Variants in VGLL1 observed in about 807,000 individuals in gnomAD.
The protein encoded by VGLL1 is transcription cofactor vestigial-like protein 1.
A neutral mutation model predicts 12.0 loss-of-function variants in VGLL1; 4 were observed. The observed-to-expected ratio is 0.33, with a 90% confidence interval of 0.16 to 0.76. The LOEUF (loss-of-function observed/expected upper bound fraction) is 0.76. Among genes scored for constraint, VGLL1 ranks in the 30% least tolerant of loss-of-function variants. VGLL1 has a pLI of 0.60. For missense variants in VGLL1, 204 were observed against 208.7 expected (o/e 0.98, Z 0.14); for synonymous variants, 87 against 81.2 (o/e 1.07, Z -0.39).
intron 4 of VGLL1, among the ~76,000 whole-genome samples, chrX:136,552,103 A>G (rs1432325753): frequency 8.9e-6 from 1 of 111,941 alleles, no homozygotes; most frequent in African/African-American, 3.2e-5. Context: ...GCACAGTGGT[A>G]TACAAATTTG....
At position 136,556,747 on chromosome X, in the gene VGLL1, C is replaced by A; in HGVS notation, c.*208C>A. 2.6e-6 allele frequency: 1 copy of A among 380,013 alleles called. No homozygotes were observed. Among genetic ancestry groups the A allele is most frequent in the South Asian group, 5.9e-5 (1 of 16,980 alleles). The allele number at this position is 380,013 out of a possible 1,213,427, so 31.3% of individuals were successfully genotyped here. On this transcript the variant is annotated 3_prime_UTR_variant, in exon 5 of 5. Transcript: ENST00000370634. ...ATGTTCCCCATCCACACCCTGCTTG[C>A]TCCTGTGTAACAGCTCAGATGATGA...
chrX:136,553,241 C>T (rs763360091), intron 4 of VGLL1, among the ~76,000 whole-genome samples: 1 of 109,973 alleles, frequency 9.1e-6, no homozygotes, highest in South Asian at 4.0e-4. Context: ...TGCCCAGATC[C>T]TGCTCCCCCA....
At chrX:136,552,186 TAATGTAGTAAAAATTATTCC>T (rs1407035165) in intron 4 of VGLL1, among the ~76,000 whole-genome samples, 1 of 112,429 alleles carries the variant, frequency 8.9e-6, no homozygotes, top group African/African-American at 3.2e-5. Flanking sequence ...GAAAATGTAG[TAATGTAGTAAAAATTATTCC>T]AATGTAGTAA....
At chrX:136,532,729 G>T (rs780346346) in intron 1 of VGLL1, among the ~76,000 whole-genome samples, 5 of 98,410 alleles carry the variant, frequency 5.1e-5, no homozygotes, top group African/African-American at 1.5e-4. Context: ...AGAAGTGTGG[G>T]CAATATTTGA....
chrX:136,547,972 C>T (rs1019547487), intron 2 of VGLL1, among the ~76,000 whole-genome samples: 1 of 111,155 alleles, frequency 9.0e-6, no homozygotes, highest in Non-Finnish European at 1.9e-5. Flanking sequence ...TGGCTCTCCC[C>T]CTTCCCTTCC....
rs2075883359 is a variant in VGLL1, at chrX:136,550,758, T to A, written c.635-10T>A. 2 of 1,201,600 alleles carry A rather than the reference T, an allele frequency of 1.7e-6. No homozygotes were observed. Among genetic ancestry groups the A allele is most frequent in the South Asian group, 3.6e-5 (2 of 55,967 alleles). ...TTCAGTTCCAATAATGTTTTCTTCT[T>A]CTTTTCTAGATAAGAAACTATATGT... On this transcript the variant is annotated splice_polypyrimidine_tract_variant and intron_variant, in intron 3 of 4. Coordinates refer to ENST00000370634, the MANE Select transcript of VGLL1 (RefSeq NM_016267.4).
At chrX:136,535,498 G>A (rs768628081) in intron 1 of VGLL1, among the ~76,000 whole-genome samples, 2 of 111,342 alleles carry the variant, frequency 1.8e-5, no homozygotes, top group Admixed American at 9.5e-5. Flanking sequence ...AGAATTTGAT[G>A]TGTTTACTCC....
At chrX:136,533,048 A>T (rs2075830372) in intron 1 of VGLL1, among the ~76,000 whole-genome samples, 1 of 111,408 alleles carries the variant, frequency 9.0e-6, no homozygotes, top group African/African-American at 3.3e-5. Flanking sequence ...TCATTTGAGG[A>T]TGAAGCTCCT....
chrX:136,549,146 T>A, intron 3 of VGLL1, 138 bp downstream of exon 3: 1 of 614,476 alleles, frequency 1.6e-6, no homozygotes, highest in Non-Finnish European at 2.4e-6. Context: ...ATGTTCTGCT[T>A]AAATGTTCCA....
At chrX:136,538,582 C>T (rs746793047) in intron 2 of VGLL1, among the ~76,000 whole-genome samples, 1 of 112,045 alleles carries the variant, frequency 8.9e-6, no homozygotes, top group African/African-American at 3.2e-5. Flanking sequence ...ACATGTTGAA[C>T]GACTTGCTCC....
At chrX:136,537,019 A>C (rs1338946125) in intron 2 of VGLL1, among the ~76,000 whole-genome samples, 1 of 112,381 alleles carries the variant, frequency 8.9e-6, no homozygotes, top group Non-Finnish European at 1.9e-5. Context: ...ATTTTATATA[A>C]TTTATTTCCA....
intron 1 of VGLL1, among the ~76,000 whole-genome samples, chrX:136,534,883 A>C (rs946345388): frequency 9.8e-5 from 11 of 112,226 alleles, no homozygotes; most frequent in African/African-American, 3.6e-4. Flanking sequence ...GAATAAAGAA[A>C]TGAATATGAA....
intron 4 of VGLL1, among the ~76,000 whole-genome samples, chrX:136,556,058 G>A (rs1000708861): frequency 9.0e-6 from 1 of 111,289 alleles, no homozygotes; most frequent in African/African-American, 3.3e-5. Flanking sequence ...TTGAGGCTGT[G>A]GGTTTCCTAC....
At chrX:136,535,717 C>T (rs754255755) in intron 1 of VGLL1, among the ~76,000 whole-genome samples, 22 of 111,607 alleles carry the variant, frequency 2.0e-4, no homozygotes, top group African/African-American at 6.9e-4. Context: ...TTTCCTGATG[C>T]TCTCTCTAGT....
rs1569363651 is a variant in VGLL1, at chrX:136,556,433, A to G, written c.689-18A>G. On this transcript the variant is annotated intron_variant, in intron 4 of 4. Coordinates refer to ENST00000370634, the MANE Select transcript of VGLL1 (RefSeq NM_016267.4). ...GGGGCCTAACTGGCTTTCATTAACCATGTAACTTCTCCTTTAGCTCTTTCA... is the reference window on the plus strand; with the variant it reads ...GGGGCCTAACTGGCTTTCATTAACCGTGTAACTTCTCCTTTAGCTCTTTCA... 4.2e-6 allele frequency: 5 copies of G among 1,201,305 alleles called. No individual in the cohort carries two copies. The highest frequency in any genetic ancestry group is 3.0e-5 in the East Asian group (1 of 33,777).
intron 1 of VGLL1, among the ~76,000 whole-genome samples, chrX:136,534,802 G>T (rs1212762976): frequency 8.9e-6 from 1 of 111,854 alleles, no homozygotes; most frequent in East Asian, 2.8e-4. Flanking sequence ...CTAGTACCTG[G>T]TTACGCTTAG....
chrX:136,547,368 A>G (rs2075872334), intron 2 of VGLL1, among the ~76,000 whole-genome samples: 2 of 112,235 alleles, frequency 1.8e-5, no homozygotes, highest in South Asian at 3.7e-4. Context: ...CATAGGCACA[A>G]TAAGAATAGT....
chrX:136,545,960 T>C (rs1407816951), intron 2 of VGLL1, among the ~76,000 whole-genome samples: 1 of 111,317 alleles, frequency 9.0e-6, no homozygotes, highest in Non-Finnish European at 1.9e-5. Flanking sequence ...TCTAGAGGGA[T>C]GAATGGGACT....
In VGLL1 at chrX:136,535,178, C is replaced by G. The variant is rs762598295; in HGVS notation, c.-25-818C>G. On this transcript the variant is annotated intron_variant, in intron 1 of 4. Transcript: ENST00000370634. ...ACTCTCAAGGTGGGATATGATGATA[C>G]CAATGATGGAACCCAAGTTTAGGGC... 2.7e-5 allele frequency among the ~76,000 whole-genome samples: 3 copies of G among 111,430 alleles called. No homozygotes were observed. In the East Asian group the frequency reaches 8.5e-4, roughly 31 times the overall value.
Sources: allele counts gnomAD v4.1 joint callset (sites outside exome capture counted in the v4.1 genomes callset), GRCh38; gene constraint gnomAD v4.1.1; transcripts MANE v1.5; gene names NCBI Gene and HGNC (gene_info 2026-07-23, HGNC 2026-07-21).